The following TBC1D22A variants were observed in gnomAD, a reference collection of about 807,000 sequenced individuals.
TBC1D22A encodes the protein TBC1 domain family member 22A.
In TBC1D22A, 38 loss-of-function variants were observed where a neutral mutation model predicts 60.2. The ratio of observed to expected loss-of-function variants is 0.63; its 90% CI spans 0.49 to 0.83. The LOEUF is 0.83. TBC1D22A is among the 40% of genes least tolerant of loss of function. TBC1D22A has a pLI of 0.00. For missense variants in TBC1D22A, 628 were observed against 701.0 expected (o/e 0.90, Z 1.18); for synonymous variants, 302 against 281.7 (o/e 1.07, Z -0.72).
In TBC1D22A at chr22:46,943,570, T is replaced by A. The variant is rs16996033; in HGVS notation, c.1016-30720T>A. 3.7e-3 allele frequency among the ~76,000 whole-genome samples: 568 copies of A among 152,356 alleles called. 5 individuals are homozygous for A. Among genetic ancestry groups the A allele is most frequent in the African/African-American group, 0.013 (538 of 41,582 alleles). On this transcript the variant is annotated intron_variant, in intron 8 of 12. Coordinates refer to ENST00000337137, the MANE Select transcript of TBC1D22A (RefSeq NM_014346.5). ...CTCTCTCCTACTTGTGTATTCCGCC[T>A]GGTCCATCTGTCTGTCTCCCATTTA... is the stretch of plus-strand genomic sequence containing the variant.
intron 11 of TBC1D22A, among the ~76,000 whole-genome samples, chr22:47,085,215 G>A (rs905183863): frequency 6.6e-6 from 1 of 152,210 alleles, no homozygotes; most frequent in Non-Finnish European, 1.5e-5. Flanking sequence ...AGGAGGCGGA[G>A]GTTGCAGTGA....
chr22:46,767,300 G>T (rs1004789448), intron 1 of TBC1D22A, among the ~76,000 whole-genome samples: 1 of 152,220 alleles, frequency 6.6e-6, no homozygotes, highest in Non-Finnish European at 1.5e-5. Flanking sequence ...GGGGCCATCA[G>T]TGTCTGTATC....
intron 5 of TBC1D22A, among the ~76,000 whole-genome samples, chr22:46,887,713 C>T (rs1042165537): frequency 1.3e-5 from 2 of 152,130 alleles, no homozygotes; most frequent in African/African-American, 4.8e-5. Context: ...CCTGCTAAGA[C>T]GGTGATGGTC....
intron 1 of TBC1D22A, among the ~76,000 whole-genome samples, chr22:46,787,183 G>A (rs1006442919): frequency 3.9e-5 from 6 of 152,116 alleles, no homozygotes; most frequent in African/African-American, 1.2e-4. Flanking sequence ...TTTCCATCAT[G>A]TCTGACTTTA....
At position 46,874,562 on chromosome 22, in the gene TBC1D22A, C is replaced by CTTTTTTT. The variant is rs747481407; in HGVS notation, c.638-4067_638-4061dup. ...TATGTTTGTTTGGCTACAGGTATGT[C>CTTTTTTT]TTTTTTTTTTTTTTTTTTTTTTTTT... On this transcript the variant is annotated intron_variant, in intron 4 of 12. Coordinates refer to ENST00000337137, the MANE Select transcript of TBC1D22A (RefSeq NM_014346.5). Among the ~76,000 whole-genome samples the CTTTTTTT allele has an allele frequency of 2.3e-3, 93 of 40,778 alleles. 14 individuals are homozygous for CTTTTTTT. The highest frequency in any genetic ancestry group is 9.1e-3 in the African/African-American group (87 of 9,556). 26.8% of individuals were successfully genotyped at this position (40,778 alleles called of 152,430 possible).
intron 12 of TBC1D22A, among the ~76,000 whole-genome samples, chr22:47,158,963 CAGACACCACACACA>C (rs2067831426): frequency 1.3e-5 from 2 of 151,522 alleles, no homozygotes; most frequent in African/African-American, 4.9e-5. Flanking sequence ...CATGTATACA[CAGACACCACACACA>C]ACACACACCA....
chr22:46,997,388 G>T (rs902381275), intron 9 of TBC1D22A, among the ~76,000 whole-genome samples: 5 of 152,228 alleles, frequency 3.3e-5, no homozygotes, highest in Non-Finnish European at 7.3e-5. Flanking sequence ...ACCATTCAGT[G>T]TTCCCTGAGA....
chr22:47,014,727 G>A (rs1362446307), intron 10 of TBC1D22A, among the ~76,000 whole-genome samples: 1 of 152,080 alleles, frequency 6.6e-6, no homozygotes, highest in African/African-American at 2.4e-5. Context: ...GCTTGGGTCT[G>A]TCGTCTCTGG....
chr22:47,161,815 G>A (rs1157379737), intron 12 of TBC1D22A, among the ~76,000 whole-genome samples: 1 of 152,238 alleles, frequency 6.6e-6, no homozygotes, highest in Non-Finnish European at 1.5e-5. Flanking sequence ...TAGCGTCCGC[G>A]AATACCCAGG....
chr22:46,806,842 C>T (rs1046303919), intron 4 of TBC1D22A, among the ~76,000 whole-genome samples: 2 of 152,164 alleles, frequency 1.3e-5, no homozygotes, highest in Non-Finnish European at 2.9e-5. Flanking sequence ...TAGAATAGTG[C>T]TGATCTTCGG....
At chr22:46,806,326 C>G (rs1359291964) in intron 4 of TBC1D22A, among the ~76,000 whole-genome samples, 4 of 148,604 alleles carry the variant, frequency 2.7e-5, no homozygotes, top group South Asian at 2.1e-4. Flanking sequence ...TTAGAATGAA[C>G]CCTCCTCTGT....
In TBC1D22A at chr22:47,009,348, AC is replaced by A. The variant is rs1010523928; in HGVS notation, c.1201+11641del. 4.0e-4 allele frequency among the ~76,000 whole-genome samples: 61 copies of A among 151,744 alleles called. 1 individual carries two copies. Among genetic ancestry groups the A allele is most frequent in the African/African-American group, 1.3e-3 (52 of 41,364 alleles). On this transcript the variant is annotated intron_variant, in intron 10 of 12. Coordinates refer to ENST00000337137, the MANE Select transcript of TBC1D22A (RefSeq NM_014346.5). The surrounding 1 kb of genome is among the most constrained non-coding windows in gnomAD (Gnocchi z 5.8). ...TCATCACCATCATTATGTCATCACC[AC>A]CATCATCATCACCATCACCATCATC... is the stretch of plus-strand genomic sequence containing the variant.
chr22:47,064,732 T>A (rs1210258309), intron 11 of TBC1D22A, among the ~76,000 whole-genome samples: 1 of 152,204 alleles, frequency 6.6e-6, no homozygotes, highest in Non-Finnish European at 1.5e-5. Context: ...AACGCTGAGA[T>A]TGTCCCTCTA....
At chr22:47,159,618 T>TAC (rs980282726) in intron 12 of TBC1D22A, among the ~76,000 whole-genome samples, 1 of 151,046 alleles carries the variant, frequency 6.6e-6, no homozygotes, top group African/African-American at 2.4e-5. Context: ...ACATACACTA[T>TAC]ACACACACAC....
intron 11 of TBC1D22A, among the ~76,000 whole-genome samples, chr22:47,055,796 C>T (rs766464795): frequency 4.3e-4 from 65 of 151,882 alleles, no homozygotes; most frequent in Non-Finnish European, 9.1e-4. Context: ...ATGAGTAGGG[C>T]ATAGATGTGA....
At chr22:46,891,893 T>G (rs1025388156) in intron 6 of TBC1D22A, among the ~76,000 whole-genome samples, 28 of 152,236 alleles carry the variant, frequency 1.8e-4, no homozygotes, top group Non-Finnish European at 1.0e-4. Context: ...GGGGACACAC[T>G]TCAGATCATA....
chr22:46,960,718 G>A (rs1194345586), intron 8 of TBC1D22A, among the ~76,000 whole-genome samples: 2 of 152,050 alleles, frequency 1.3e-5, no homozygotes, highest in Non-Finnish European at 2.9e-5. Flanking sequence ...AGGCCGAGGC[G>A]GGTGGATCAC....
chr22:47,129,858 C>G (rs2066621401), intron 12 of TBC1D22A, among the ~76,000 whole-genome samples: 1 of 152,240 alleles, frequency 6.6e-6, no homozygotes, highest in African/African-American at 2.4e-5. Context: ...GTTGCTGTGT[C>G]TACTGTTTTC....
chr22:46,826,777 C>G (rs1164858062), intron 4 of TBC1D22A, among the ~76,000 whole-genome samples: 1 of 152,046 alleles, frequency 6.6e-6, no homozygotes, highest in African/African-American at 2.4e-5. Flanking sequence ...GGTGACTGGA[C>G]AATCCCATAG....
Sources: allele counts gnomAD v4.1 joint callset (sites outside exome capture counted in the v4.1 genomes callset), GRCh38; gene constraint gnomAD v4.1.1; non-coding constraint Gnocchi (gnomAD v3.1); transcripts MANE v1.5; gene names NCBI Gene and HGNC (gene_info 2026-07-23, HGNC 2026-07-21).